PPP2R3A: variants seen among roughly 807,000 people sequenced by gnomAD.
PPP2R3A encodes the protein protein phosphatase 2 regulatory subunit B''alpha.
In PPP2R3A, 80 loss-of-function variants were observed where a neutral mutation model predicts 106.9. The ratio of observed to expected loss-of-function variants is 0.75; its 90% CI spans 0.62 to 0.90. PPP2R3A has a LOEUF of 0.90. Ranked by LOEUF, PPP2R3A falls within the 40% of genes least tolerant of loss-of-function variation. The pLI is 0.00. For missense variants in PPP2R3A, 1,386 were observed against 1,350.4 expected (o/e 1.03, Z -0.41); for synonymous variants, 483 against 468.3 (o/e 1.03, Z -0.41).
At chr3:136,049,191 A>G in intron 4 of PPP2R3A, 68 bp from the exon 5 acceptor site, 3 of 1,145,926 alleles carry the variant, frequency 2.6e-6, no homozygotes, top group Non-Finnish European at 3.8e-6. Flanking sequence ...GAAATTACTA[A>G]CTATTGATGT....
rs1454918053 is a variant in PPP2R3A, at chr3:136,003,205, T to G, written c.1707T>G (p.Pro569=). ...CTTCACCCATAGAAAAAGTCTCACC[T>G]TCCTGTCTAACAAGGATTATTGAAA... The part of the protein sequence containing the change: ...KVSSPIEKVS[P]SCLTRIIETN... The change falls in exon 2 of 14, where the codon CCT becomes CCG. Residue 569 remains proline, a synonymous_variant. Coordinates refer to ENST00000264977, the MANE Select transcript of PPP2R3A (RefSeq NM_002718.5). The G allele has an allele frequency of 6.2e-7, 1 of 1,613,856 alleles. No homozygotes were observed. The highest frequency in any genetic ancestry group is 8.5e-7 in the Non-Finnish European group (1 of 1,179,912).
At chr3:135,980,839 G>A (rs1021443503) in intron 1 of PPP2R3A, among the ~76,000 whole-genome samples, 4 of 151,848 alleles carry the variant, frequency 2.6e-5, no homozygotes, top group Non-Finnish European at 5.9e-5. Context: ...CCACACCCAC[G>A]TAGTGGAGTT....
intron 13 of PPP2R3A, among the ~76,000 whole-genome samples, chr3:136,141,582 G>T (rs1230274678): frequency 6.6e-6 from 1 of 152,234 alleles, no homozygotes. Flanking sequence ...AATCAGAGAT[G>T]TGGTTAATTA....
chr3:136,039,586 A>G (rs1460385241), intron 3 of PPP2R3A, among the ~76,000 whole-genome samples: 1 of 151,828 alleles, frequency 6.6e-6, no homozygotes, highest in Non-Finnish European at 1.5e-5. Context: ...GATAGGGTTC[A>G]CTCTCCTATA....
intron 1 of PPP2R3A, among the ~76,000 whole-genome samples, chr3:135,976,824 T>G (rs1937433763): frequency 6.6e-6 from 1 of 152,162 alleles, no homozygotes; most frequent in Non-Finnish European, 1.5e-5. Flanking sequence ...AATTTAGATA[T>G]TTAAGTTCAT....
At chr3:136,025,339 T>G (rs1265249621) in intron 2 of PPP2R3A, among the ~76,000 whole-genome samples, 2 of 152,100 alleles carry the variant, frequency 1.3e-5, no homozygotes, top group Admixed American at 6.6e-5. Context: ...CACTTCCCTT[T>G]GTTCTGTTTC....
chr3:136,062,591 G>A (rs1019715411), intron 5 of PPP2R3A, among the ~76,000 whole-genome samples: 34 of 151,924 alleles, frequency 2.2e-4, no homozygotes, highest in African/African-American at 2.9e-4. Flanking sequence ...GGTGGTGGGC[G>A]CCTATAGTCC....
chr3:136,136,894 C>CA (rs1351079212), intron 13 of PPP2R3A, among the ~76,000 whole-genome samples: 1 of 152,162 alleles, frequency 6.6e-6, no homozygotes, highest in African/African-American at 2.4e-5. Flanking sequence ...CTGCAGGTCT[C>CA]AGTGAGGTGA....
Position 136,130,220 on chromosome 3 carries a change from C to T in PPP2R3A, c.3330-14823C>T, listed in dbSNP as rs367676599. On this transcript the variant is annotated intron_variant, in intron 13 of 13. Transcript: ENST00000264977. ...GTATTCAGATAGGAAAAGAGGAAGT[C>T]AAATTGTCCCTGTTTGCAGATGCCA... is the stretch of plus-strand genomic sequence containing the variant. Among the ~76,000 whole-genome samples the T allele has an allele frequency of 2.0e-5, 3 of 152,158 alleles. No homozygotes were observed. The East Asian group carries it at 5.8e-4, about 29-fold the overall frequency.
chr3:136,112,259 T>C (rs1414384654), intron 13 of PPP2R3A, among the ~76,000 whole-genome samples: 1 of 152,084 alleles, frequency 6.6e-6, no homozygotes, highest in Non-Finnish European at 1.5e-5. Context: ...TTCTCACCAC[T>C]GCTATTCAAC....
intron 8 of PPP2R3A, among the ~76,000 whole-genome samples, chr3:136,087,291 CTCTCT>C (rs1559912543): frequency 6.7e-6 from 1 of 149,606 alleles, no homozygotes; most frequent in African/African-American, 2.5e-5. Context: ...CTCTCTCTCT[CTCTCT>C]CTCACCAACA....
Position 136,113,808 on chromosome 3 carries a change from AAG to A in PPP2R3A, c.3329+7494_3329+7495del, listed in dbSNP as rs563085407. On this transcript the variant is annotated intron_variant, in intron 13 of 13. Coordinates refer to ENST00000264977, the MANE Select transcript of PPP2R3A (RefSeq NM_002718.5). ...AGACCCTGTGTCAGAAAAAAAAAAA[AAG>A]AGAGAGACTTAAATGTAAGACCTAA... 8.1e-4 allele frequency among the ~76,000 whole-genome samples: 124 copies of A among 152,180 alleles called. 1 individual carries two copies. The highest frequency in any genetic ancestry group is 2.7e-3 in the African/African-American group (112 of 41,524).
At chr3:136,018,127 C>T (rs1934342536) in intron 2 of PPP2R3A, among the ~76,000 whole-genome samples, 1 of 152,082 alleles carries the variant, frequency 6.6e-6, no homozygotes, top group Non-Finnish European at 1.5e-5. Context: ...ATTAGCTGGG[C>T]ACAGTGCCAT....
rs559022322 is a variant in PPP2R3A at position 136,110,596 on chromosome 3, A to T, written c.3329+4274A>T. On this transcript the variant is annotated intron_variant, in intron 13 of 13. Transcript: ENST00000264977. The stretch of plus-strand genomic sequence containing the variant: ...ATCAGCAATTTTTTTCTAACCAGTT[A>T]TAAATACTTGAGGCTTTGTGGGCCT... 1.0e-3 allele frequency among the ~76,000 whole-genome samples: 152 copies of T among 152,352 alleles called. 5 individuals are homozygous for T. The highest frequency in any genetic ancestry group is 6.9e-4 in the Non-Finnish European group (47 of 68,032).
At chr3:136,048,430 T>C (rs1935550242) in intron 4 of PPP2R3A, among the ~76,000 whole-genome samples, 1 of 152,130 alleles carries the variant, frequency 6.6e-6, no homozygotes, top group Non-Finnish European at 1.5e-5. Context: ...CCCAGCACTT[T>C]GGGAAGCCGA....
intron 1 of PPP2R3A, among the ~76,000 whole-genome samples, chr3:135,988,736 A>C (rs1933031132): frequency 6.6e-6 from 1 of 152,182 alleles, no homozygotes; most frequent in African/African-American, 2.4e-5. Flanking sequence ...AGAATGATCC[A>C]TACTATGAAT....
intron 13 of PPP2R3A, among the ~76,000 whole-genome samples, chr3:136,140,453 A>AAAAAAAAAAAC (rs1938815728): frequency 6.7e-6 from 1 of 149,762 alleles, no homozygotes; most frequent in African/African-American, 2.5e-5. Flanking sequence ...AAAAAAAAAA[A>AAAAAAAAAAAC]AAAAAAAAAA....
chr3:136,003,386 A>T lies in PPP2R3A; in HGVS notation c.1888A>T (p.Thr630Ser). The T allele has an allele frequency of 6.2e-7, 1 of 1,614,054 alleles. No individual in the cohort carries two copies. The highest frequency in any genetic ancestry group is 8.5e-7 in the Non-Finnish European group (1 of 1,179,932). The part of the protein sequence containing the change: ...EMMQILQETL[T>S]TSSQANLSVC... ...GATGCAAATTCTACAGGAAACCTTG[A>T]CAACTTCCTCCCAGGCCAATTTATC... Residue 630 changes from threonine to serine, a missense_variant, in exon 2 of 14, where the codon ACA (threonine) becomes TCA (serine). Transcript: ENST00000264977.
intron 6 of PPP2R3A, among the ~76,000 whole-genome samples, chr3:136,077,728 T>C (rs1177185570): frequency 6.6e-6 from 1 of 152,186 alleles, no homozygotes; most frequent in Non-Finnish European, 1.5e-5. Context: ...TAGACACATT[T>C]GCTTCTTATC....
Sources: allele counts gnomAD v4.1 joint callset (sites outside exome capture counted in the v4.1 genomes callset), GRCh38; gene constraint gnomAD v4.1.1; transcripts MANE v1.5; gene names NCBI Gene and HGNC (gene_info 2026-07-23, HGNC 2026-07-21).